The following KIAA1328 variants were observed in gnomAD, a reference collection of about 807,000 sequenced individuals.
The protein encoded by KIAA1328 is protein hinderin.
KIAA1328 carries 52 observed loss-of-function variants against 68.1 expected under a neutral mutation model. That is an observed-to-expected ratio of 0.76 (90% CI 0.61 to 0.96). KIAA1328 has a LOEUF of 0.96. KIAA1328 is among the 40% of genes least tolerant of loss of function. The pLI is 0.00. For synonymous variants in KIAA1328, 232 were observed against 239.4 expected (o/e 0.97, Z 0.28); for missense variants, 641 against 677.6 (o/e 0.95, Z 0.60).
chr18:36,959,537 G>C, intron 6 of KIAA1328, 102 bp downstream of exon 6: 2 of 1,276,724 alleles, frequency 1.6e-6, no homozygotes, highest in Non-Finnish European at 2.2e-6. Flanking sequence ...ATATAATATT[G>C]TTTTAAAACA....
intron 9 of KIAA1328, among the ~76,000 whole-genome samples, chr18:37,209,682 G>A (rs910456780): frequency 2.0e-5 from 3 of 152,212 alleles, no homozygotes; most frequent in South Asian, 4.1e-4. Context: ...CAAAGGCCTA[G>A]AGGTAAGAAT....
At chr18:36,853,600 T>C (rs2047285980) in intron 4 of KIAA1328, among the ~76,000 whole-genome samples, 1 of 152,196 alleles carries the variant, frequency 6.6e-6, no homozygotes, top group African/African-American at 2.4e-5. Flanking sequence ...CTGCATCTTC[T>C]ATCCTATGTT....
intron 6 of KIAA1328, among the ~76,000 whole-genome samples, chr18:37,022,401 T>C (rs1318523069): frequency 6.6e-6 from 1 of 152,170 alleles, no homozygotes; most frequent in East Asian, 1.9e-4. Context: ...ATTTTAGAAT[T>C]ATGGCTTTAA....
At chr18:36,994,579 G>A (rs1167630909) in intron 6 of KIAA1328, among the ~76,000 whole-genome samples, 2 of 152,100 alleles carry the variant, frequency 1.3e-5, no homozygotes, top group Non-Finnish European at 2.9e-5. Context: ...AGCTAAAGTG[G>A]CAGAGCATAG....
intron 6 of KIAA1328, among the ~76,000 whole-genome samples, chr18:37,017,461 T>C (rs533751138): frequency 6.6e-6 from 1 of 152,176 alleles, no homozygotes; most frequent in South Asian, 2.1e-4. Context: ...ATGTACTCTA[T>C]AGATTTTTAT....
At chr18:37,009,022 G>C (rs555783463) in intron 6 of KIAA1328, among the ~76,000 whole-genome samples, 1 of 152,142 alleles carries the variant, frequency 6.6e-6, no homozygotes, top group East Asian at 1.9e-4. Flanking sequence ...CAAAGGAAAA[G>C]GCAACTTCTG....
intron 7 of KIAA1328, among the ~76,000 whole-genome samples, chr18:37,116,429 A>C (rs1457907124): frequency 6.6e-6 from 1 of 152,204 alleles, no homozygotes. Context: ...CCTATTTAAT[A>C]AATGGTGCTG....
chr18:37,047,929 T>C (rs1323710990), intron 6 of KIAA1328, among the ~76,000 whole-genome samples: 2 of 152,094 alleles, frequency 1.3e-5, no homozygotes, highest in South Asian at 2.1e-4. Flanking sequence ...AAAGAGGGAG[T>C]ATAATGACAC....
chr18:37,070,894 T>C (rs1224289378), intron 7 of KIAA1328, among the ~76,000 whole-genome samples: 1 of 152,070 alleles, frequency 6.6e-6, no homozygotes, highest in Non-Finnish European at 1.5e-5. Context: ...TTTCATTTTA[T>C]TAAGGTTTTC....
intron 9 of KIAA1328, among the ~76,000 whole-genome samples, chr18:37,201,087 A>G (rs548339269): frequency 1.1e-4 from 17 of 152,322 alleles, no homozygotes; most frequent in African/African-American, 3.8e-4. Flanking sequence ...ATGACATCAC[A>G]GTGTGGCAAA....
At chr18:37,066,728 G>A (rs1214549844) in intron 6 of KIAA1328, 162 bp from the exon 7 acceptor site, 1 of 616,418 alleles carries the variant, frequency 1.6e-6, no homozygotes, top group Admixed American at 3.4e-5. Flanking sequence ...TGTAGCTTTG[G>A]GGCACAAGTC....
intron 7 of KIAA1328, among the ~76,000 whole-genome samples, chr18:37,087,494 T>C (rs190124145): frequency 6.6e-6 from 1 of 152,366 alleles, no homozygotes; most frequent in African/African-American, 2.4e-5. Flanking sequence ...TGAAGTTTTA[T>C]CTCTTCCTGC....
At chr18:37,038,317 C>G (rs1285413065) in intron 6 of KIAA1328, among the ~76,000 whole-genome samples, 1 of 152,094 alleles carries the variant, frequency 6.6e-6, no homozygotes. Flanking sequence ...TTACCGAGGA[C>G]TTTCTTACCC....
At chr18:36,844,144 G>T in intron 3 of KIAA1328, 64 bp from the exon 4 acceptor site, 1 of 1,068,844 alleles carries the variant, frequency 9.4e-7, no homozygotes, top group Non-Finnish European at 1.4e-6. Flanking sequence ...TTGCACCTAG[G>T]TTTCTTGAAA....
At chr18:36,839,327 A>G (rs1444647740) in intron 3 of KIAA1328, among the ~76,000 whole-genome samples, 1 of 152,136 alleles carries the variant, frequency 6.6e-6, no homozygotes, top group Non-Finnish European at 1.5e-5. Flanking sequence ...ACCTTCTGCA[A>G]TGTCTAATCT....
intron 5 of KIAA1328, among the ~76,000 whole-genome samples, chr18:36,897,169 C>T (rs547189360): frequency 1.3e-5 from 2 of 151,962 alleles, no homozygotes; most frequent in African/African-American, 4.8e-5. Flanking sequence ...TCATCTTCCC[C>T]CAGTTTTATT....
chr18:37,094,674 T>C (rs1447073895), intron 7 of KIAA1328, among the ~76,000 whole-genome samples: 2 of 152,196 alleles, frequency 1.3e-5, no homozygotes, highest in South Asian at 2.1e-4. Flanking sequence ...GAACAAATGA[T>C]ATACAAAACA....
intron 5 of KIAA1328, among the ~76,000 whole-genome samples, chr18:36,929,515 C>T (rs2050238228): frequency 6.6e-6 from 1 of 151,988 alleles, no homozygotes; most frequent in Non-Finnish European, 1.5e-5. Context: ...CCCTGGAGTA[C>T]TGACGGGTTT....
chr18:36,898,354 T>A (rs2048929936), intron 5 of KIAA1328, among the ~76,000 whole-genome samples: 1 of 151,964 alleles, frequency 6.6e-6, no homozygotes, highest in Non-Finnish European at 1.5e-5. Flanking sequence ...CCTTTTAATT[T>A]TCTGAAGCAG....
Sources: allele counts gnomAD v4.1 joint callset (sites outside exome capture counted in the v4.1 genomes callset), GRCh38; gene constraint gnomAD v4.1.1; transcripts MANE v1.5; gene names NCBI Gene and HGNC (gene_info 2026-07-23, HGNC 2026-07-21).